COX10: variants seen among roughly 807,000 people sequenced by gnomAD.
COX10 encodes cytochrome c oxidase assembly factor heme A:farnesyltransferase COX10.
In COX10, 27 loss-of-function variants were observed where a neutral mutation model predicts 37.3. The ratio of observed to expected loss-of-function variants is 0.72; its 90% CI spans 0.53 to 1.00. The LOEUF is 1.00. Among genes scored for constraint, COX10 ranks in the 50% least tolerant of loss-of-function variants. The pLI is 0.00. For missense variants in COX10, 475 were observed against 563.2 expected (o/e 0.84, Z 1.59); for synonymous variants, 222 against 229.1 (o/e 0.97, Z 0.28).
chr17:14,083,793 T>C lies in COX10; in HGVS notation c.499+6737T>C, dbSNP rs549615708. ...GCTATTTACAATATGTTTTTGGAGTTTGTTGCATGGACCACACTGGGGTAA... is the reference window on the plus strand; with the variant it reads ...GCTATTTACAATATGTTTTTGGAGTCTGTTGCATGGACCACACTGGGGTAA... On this transcript the variant is annotated intron_variant, in intron 3 of 6. Coordinates refer to ENST00000261643, the MANE Select transcript of COX10 (RefSeq NM_001303.4). Among the ~76,000 whole-genome samples the C allele has an allele frequency of 7.2e-4, 110 of 152,362 alleles. 1 individual carries two copies. The highest frequency in any genetic ancestry group is 2.5e-3 in the African/African-American group (106 of 41,584).
At chr17:14,079,278 G>T (rs1313651912) in intron 3 of COX10, among the ~76,000 whole-genome samples, 2 of 152,204 alleles carry the variant, frequency 1.3e-5, no homozygotes, top group African/African-American at 4.8e-5. Context: ...TGCTTAATGT[G>T]TATTATATTT....
intron 6 of COX10, among the ~76,000 whole-genome samples, chr17:14,194,845 G>C (rs897037728): frequency 6.6e-6 from 1 of 152,234 alleles, no homozygotes; most frequent in Non-Finnish European, 1.5e-5. Flanking sequence ...GTAGCAGAAT[G>C]AAAGTACGTA....
At chr17:14,118,227 T>C (rs1304551040) in intron 4 of COX10, among the ~76,000 whole-genome samples, 1 of 151,998 alleles carries the variant, frequency 6.6e-6, no homozygotes, top group Non-Finnish European at 1.5e-5. Context: ...CCTGTCCTCA[T>C]TTAGGTCCAT....
In COX10 at chr17:14,076,985, G is replaced by A; in HGVS notation, c.428G>A (p.Trp143Ter). Residue 143 changes from tryptophan (W) to a stop codon, truncating the protein, a stop_gained, in exon 3 of 7, where the codon TGG becomes TAG. Coordinates refer to ENST00000261643, the MANE Select transcript of COX10 (RefSeq NM_001303.4). LOFTEE classifies it high-confidence loss of function. ...VGKETKEEKR[W>*]KEMKLQVYDL... Reference sequence around the variant, plus strand: ...AAAGAGACAAAAGAGGAAAAGCGGTGGAAAGAGATGAAGCTGCAAGTGTAT... The same window carrying A: ...AAAGAGACAAAAGAGGAAAAGCGGTAGAAAGAGATGAAGCTGCAAGTGTAT... 1 of 1,613,434 alleles carries A rather than the reference G, an allele frequency of 6.2e-7. No individual in the cohort carries two copies. The highest frequency in any genetic ancestry group is 8.5e-7 in the Non-Finnish European group (1 of 1,179,836).
At position 14,207,131 on chromosome 17, in the gene COX10, G is replaced by A. The variant is rs750713909; in HGVS notation, c.1250G>A (p.Trp417Ter). The change falls in exon 7 of 7, where the codon TGG becomes TAG. Residue 417 changes from tryptophan (W) to a stop codon, truncating the protein, a stop_gained. Coordinates refer to ENST00000261643, the MANE Select transcript of COX10 (RefSeq NM_001303.4). LOFTEE classifies it low-confidence loss of function (END_TRUNC). ...SSRRLFFCSL[W>*]HLPLLLLLML... ...CGGAGACTGTTCTTCTGCAGCCTGT[G>A]GCACCTGCCGCTGCTGCTGCTGCTC... The A allele has an allele frequency of 1.2e-6, 2 of 1,611,918 alleles. No homozygotes were observed. The highest frequency in any genetic ancestry group is 8.5e-7 in the Non-Finnish European group (1 of 1,179,756).
intron 5 of COX10, among the ~76,000 whole-genome samples, chr17:14,167,502 C>T (rs1905326481): frequency 2.0e-5 from 3 of 152,158 alleles, no homozygotes; most frequent in Non-Finnish European, 4.4e-5. Flanking sequence ...AATGGAGAGT[C>T]AATCAGTTGG....
chr17:14,149,450 T>C (rs932282835), intron 4 of COX10, among the ~76,000 whole-genome samples: 1 of 152,178 alleles, frequency 6.6e-6, no homozygotes, highest in Non-Finnish European at 1.5e-5. Flanking sequence ...TCCTTTGCTA[T>C]GGAGAAAATA....
intron 5 of COX10, among the ~76,000 whole-genome samples, chr17:14,181,233 G>A (rs1001257972): frequency 9.9e-5 from 15 of 152,238 alleles, no homozygotes. Flanking sequence ...AAAGGAGCTA[G>A]ATGCACAGTT....
chr17:14,143,253 A>G (rs930605325), intron 4 of COX10, among the ~76,000 whole-genome samples: 2 of 152,108 alleles, frequency 1.3e-5, no homozygotes, highest in South Asian at 4.2e-4. Flanking sequence ...ATTATTTACT[A>G]TTTATTATTA....
rs140390492 is a variant in COX10 at position 14,149,995 on chromosome 17, G to A, written c.625-9882G>A. ...AAAAAAAGGAAAAGTTTACGGCCGGGCACAGTGACTCACGCCTGTAATCCC... is the reference window on the plus strand; with the variant it reads ...AAAAAAAGGAAAAGTTTACGGCCGGACACAGTGACTCACGCCTGTAATCCC... On this transcript the variant is annotated intron_variant, in intron 4 of 6. Coordinates refer to ENST00000261643, the MANE Select transcript of COX10 (RefSeq NM_001303.4). 4.5e-3 allele frequency among the ~76,000 whole-genome samples: 686 copies of A among 152,228 alleles called. 2 individuals carry two copies. Among genetic ancestry groups the A allele is most frequent in the Middle Eastern group, 0.02 (6 of 294 alleles).
chr17:14,187,544 A>T (rs1388995233), intron 5 of COX10, among the ~76,000 whole-genome samples: 5 of 152,226 alleles, frequency 3.3e-5, no homozygotes, highest in Admixed American at 6.5e-5. Flanking sequence ...GGAAAAAGGC[A>T]GAGAAGATAT....
At chr17:14,141,718 A>G (rs1392104930) in intron 4 of COX10, among the ~76,000 whole-genome samples, 2 of 152,044 alleles carry the variant, frequency 1.3e-5, no homozygotes, top group Non-Finnish European at 2.9e-5. Flanking sequence ...ATTGTTTTAT[A>G]TAATTGCAGA....
intron 4 of COX10, among the ~76,000 whole-genome samples, chr17:14,128,841 A>G (rs988517062): frequency 6.6e-6 from 1 of 152,120 alleles, no homozygotes; most frequent in Non-Finnish European, 1.5e-5. Context: ...GTATTTCTAC[A>G]TTTATTTTAT....
intron 5 of COX10, among the ~76,000 whole-genome samples, chr17:14,167,317 A>G (rs541609572): frequency 1.3e-5 from 2 of 152,362 alleles, no homozygotes; most frequent in South Asian, 4.1e-4. Context: ...TGTATTTCTG[A>G]CGAAGATGCT....
At chr17:14,128,062 TA>T (rs1469164350) in intron 4 of COX10, among the ~76,000 whole-genome samples, 2 of 151,988 alleles carry the variant, frequency 1.3e-5, no homozygotes, top group Non-Finnish European at 2.9e-5. Flanking sequence ...TCTTTTTTTT[TA>T]AGTCTAGACG....
chr17:14,140,235 GA>G (rs1367554328), intron 4 of COX10, among the ~76,000 whole-genome samples: 2 of 151,912 alleles, frequency 1.3e-5, no homozygotes, highest in Admixed American at 6.6e-5. Context: ...ATTTTAATAA[GA>G]TTTTTTTGAC....
chr17:14,139,354 T>G (rs1597516717), intron 4 of COX10, among the ~76,000 whole-genome samples: 1 of 152,294 alleles, frequency 6.6e-6, no homozygotes, highest in East Asian at 1.9e-4. Flanking sequence ...CTCATAATAT[T>G]AGCCAGTATC....
intron 4 of COX10, among the ~76,000 whole-genome samples, chr17:14,139,233 A>G (rs1904471534): frequency 6.6e-6 from 1 of 152,156 alleles, no homozygotes; most frequent in Non-Finnish European, 1.5e-5. Flanking sequence ...CTGGTGTTCA[A>G]TATTTTGCAT....
chr17:14,151,214 A>G (rs1344399974), intron 4 of COX10, among the ~76,000 whole-genome samples: 1 of 152,218 alleles, frequency 6.6e-6, no homozygotes, highest in African/African-American at 2.4e-5. Flanking sequence ...GCCTAACTGA[A>G]AGCATTATAG....
Sources: gnomAD v4.1 joint callset for allele counts (sites outside exome capture counted in the v4.1 genomes callset) on GRCh38, gnomAD v4.1.1 for gene constraint, MANE v1.5 for transcripts, NCBI Gene and HGNC (gene_info 2026-07-23, HGNC 2026-07-21) for gene names.